HSD17B12: variants seen among roughly 807,000 people sequenced by gnomAD.
HSD17B12 encodes very-long-chain 3-oxoacyl-CoA reductase.
In HSD17B12, 32 loss-of-function variants were observed where a neutral mutation model predicts 39.3. The ratio of observed to expected loss-of-function variants is 0.81; its 90% CI spans 0.61 to 1.09. The LOEUF (loss-of-function observed/expected upper bound fraction) is 1.09. HSD17B12 is among the 50% of genes least tolerant of loss of function. The pLI, the probability that HSD17B12 is intolerant of heterozygous loss-of-function variation, is 0.00. For synonymous variants in HSD17B12, 150 were observed against 146.7 expected (o/e 1.02, Z -0.16); for missense variants, 342 against 382.9 (o/e 0.89, Z 0.89).
At chr11:43,647,887 A>G in the HSD17B12 span, among the ~76,000 whole-genome samples, 269 of 152,262 alleles carry the variant, frequency 1.8e-3, no homozygotes, top group Middle Eastern at 3.4e-3. Flanking sequence ...GATTCTTCCT[A>G]CATGTATTTC....
chr11:43,780,949 G>A (rs1950759383), intron 3 of HSD17B12, among the ~76,000 whole-genome samples: 1 of 151,978 alleles, frequency 6.6e-6, no homozygotes. Flanking sequence ...CCATATCTTT[G>A]GCATGAGAAG....
At chr11:43,579,070 G>T in the HSD17B12 span, 1 of 148,904 alleles carries the variant, frequency 6.7e-6, no homozygotes, top group Non-Finnish European at 1.5e-5. Context: ...CTACATGGGA[G>T]ATGGGGGGCG....
At chr11:43,841,961 G>A (rs1250891763) in intron 9 of HSD17B12, among the ~76,000 whole-genome samples, 1 of 152,150 alleles carries the variant, frequency 6.6e-6, no homozygotes, top group African/African-American at 2.4e-5. Flanking sequence ...CTCATACAAT[G>A]GTGTGATGAT....
chr11:43,582,059 C>G, the HSD17B12 span, among the ~76,000 whole-genome samples: 1 of 152,210 alleles, frequency 6.6e-6, no homozygotes, highest in African/African-American at 2.4e-5. Flanking sequence ...GGGAAAACAC[C>G]CAGGCACCGC....
the HSD17B12 span, among the ~76,000 whole-genome samples, chr11:43,616,615 T>C: frequency 2.6e-5 from 4 of 151,604 alleles, no homozygotes; most frequent in African/African-American, 9.7e-5. Context: ...TTTATCTTCA[T>C]TTTACAGATT....
the HSD17B12 span, among the ~76,000 whole-genome samples, chr11:43,669,811 A>T: frequency 6.6e-6 from 1 of 152,126 alleles, no homozygotes; most frequent in African/African-American, 2.4e-5. Context: ...TCTTAACCTG[A>T]TTACATCTGC....
In HSD17B12 at chr11:43,855,719, AT is replaced by A. The variant is rs1210293316; in HGVS notation, c.*474del. 6.6e-6 allele frequency: 1 copy of A among 152,456 alleles called. No individual in the cohort carries two copies. The highest frequency in any genetic ancestry group is 2.4e-5 in the African/African-American group (1 of 41,384). The allele number at this position is 152,456 out of a possible 1,614,324, so 9.4% of individuals were successfully genotyped here. ...TTTGTTTATAAGCAGACACACTGCAATTTACAAAGATCTCTTTACGGTTTTA... is the reference window on the plus strand; with the variant it reads ...TTTGTTTATAAGCAGACACACTGCAATTACAAAGATCTCTTTACGGTTTTA... On this transcript the variant is annotated 3_prime_UTR_variant, in exon 11 of 11. Transcript: ENST00000278353.
chr11:43,647,444 T>TTC, the HSD17B12 span, among the ~76,000 whole-genome samples: 1 of 148,562 alleles, frequency 6.7e-6, no homozygotes, highest in African/African-American at 2.5e-5. Flanking sequence ...CCTTGCTAAT[T>TTC]TTTTTTTTTT....
intron 4 of HSD17B12, among the ~76,000 whole-genome samples, chr11:43,810,367 TTATATATATATATATA>T (rs59970877): frequency 1.5e-4 from 9 of 59,700 alleles, no homozygotes; most frequent in East Asian, 1.1e-3. Flanking sequence ...AATTTAGAAA[TTATATATATATATATA>T]TATATATATA....
At chr11:43,657,909 T>G in the HSD17B12 span, among the ~76,000 whole-genome samples, 2 of 152,204 alleles carry the variant, frequency 1.3e-5, no homozygotes, top group Non-Finnish European at 2.9e-5. Flanking sequence ...GGAGTATCTT[T>G]GTGGTGTTCT....
At chr11:43,625,545 TATATA>T in the HSD17B12 span, among the ~76,000 whole-genome samples, 3 of 151,448 alleles carry the variant, frequency 2.0e-5, no homozygotes, top group African/African-American at 7.2e-5. Flanking sequence ...TAAAGAATCA[TATATA>T]ATATATTTTA....
At chr11:43,573,726 A>C in the HSD17B12 span, among the ~76,000 whole-genome samples, 41 of 152,358 alleles carry the variant, frequency 2.7e-4, no homozygotes, top group African/African-American at 9.9e-4. Context: ...GTATAGTTTC[A>C]ATAGTCCAAA....
chr11:43,768,655 G>A (rs1250636586), intron 3 of HSD17B12, among the ~76,000 whole-genome samples: 4 of 152,210 alleles, frequency 2.6e-5, no homozygotes, highest in South Asian at 2.1e-4. Flanking sequence ...ACCTCACTGC[G>A]AGTGTTACAG....
the HSD17B12 span, among the ~76,000 whole-genome samples, chr11:43,658,745 C>T: frequency 6.6e-6 from 1 of 152,160 alleles, no homozygotes; most frequent in African/African-American, 2.4e-5. Context: ...CCTGATCGTT[C>T]CTCTGGAAGT....
At chr11:43,615,663 T>A in the HSD17B12 span, among the ~76,000 whole-genome samples, 6 of 152,232 alleles carry the variant, frequency 3.9e-5, no homozygotes, top group Non-Finnish European at 8.8e-5. Flanking sequence ...GGTCACATTT[T>A]TTCCCCCTGA....
chr11:43,636,275 C>T, the HSD17B12 span, among the ~76,000 whole-genome samples: 3 of 152,138 alleles, frequency 2.0e-5, no homozygotes, highest in South Asian at 2.1e-4. Flanking sequence ...TTTAGTAGAC[C>T]GGAAGCCTTT....
chr11:43,638,326 T>C, the HSD17B12 span, among the ~76,000 whole-genome samples: 1 of 152,136 alleles, frequency 6.6e-6, no homozygotes, highest in South Asian at 2.1e-4. Flanking sequence ...AAGAGAGATT[T>C]CATGTTAGGA....
chr11:43,749,792 T>C (rs866171410), intron 1 of HSD17B12, among the ~76,000 whole-genome samples: 1 of 152,128 alleles, frequency 6.6e-6, no homozygotes, highest in South Asian at 2.1e-4. Flanking sequence ...TGGAAAGAAG[T>C]GAATACAAGA....
At chr11:43,706,796 C>T (rs927656226) in intron 1 of HSD17B12, among the ~76,000 whole-genome samples, 58 of 151,166 alleles carry the variant, frequency 3.8e-4, no homozygotes, top group South Asian at 6.3e-4. Context: ...CTTGGAAAGA[C>T]GACACTTCCT....
Sources: allele counts gnomAD v4.1 joint callset (sites outside exome capture counted in the v4.1 genomes callset), GRCh38; gene constraint gnomAD v4.1.1; transcripts MANE v1.5; gene names NCBI Gene and HGNC (gene_info 2026-07-23, HGNC 2026-07-21).